Variants in FAM53B observed in about 807,000 individuals in gnomAD.
FAM53B encodes protein FAM53B.
Under a neutral mutation model 32.7 loss-of-function variants are expected in FAM53B, and 12 were observed. The observed-to-expected ratio is 0.37, with a 90% CI of 0.24 to 0.59. The LOEUF (loss-of-function observed/expected upper bound fraction) is 0.59, where lower values mean the gene tolerates loss of function less well. FAM53B is among the 20% of genes least tolerant of loss of function. The pLI, the probability that FAM53B is intolerant of heterozygous loss-of-function variation, is 0.72. For missense variants in FAM53B, 477 were observed against 577.7 expected, an observed-to-expected ratio of 0.83 and a Z score of 1.79; for synonymous variants, 234 against 228.7, an observed-to-expected ratio of 1.02 and a Z score of -0.21.
chr10:124,708,975 A>T (rs1378472925), intron 1 of FAM53B, among the ~76,000 whole-genome samples: 2 of 151,774 alleles, frequency 1.3e-5, no homozygotes, highest in African/African-American at 4.9e-5. Context: ...TACAACAGGG[A>T]AAACAGTGCT....
intron 2 of FAM53B, among the ~76,000 whole-genome samples, chr10:124,702,672 C>A (rs1949922932): frequency 6.6e-6 from 1 of 152,176 alleles, no homozygotes; most frequent in Non-Finnish European, 1.5e-5. Flanking sequence ...AATGGGTGCA[C>A]CCCTGCCCCT....
At chr10:124,702,486 G>A (rs1432143838) in intron 2 of FAM53B, among the ~76,000 whole-genome samples, 5 of 152,132 alleles carry the variant, frequency 3.3e-5, no homozygotes, top group African/African-American at 7.2e-5. Context: ...TATTTACATC[G>A]TGTGTCTCTC....
chr10:124,668,095 C>T (rs532099071), intron 4 of FAM53B, among the ~76,000 whole-genome samples: 2 of 152,320 alleles, frequency 1.3e-5, no homozygotes, highest in Admixed American at 6.5e-5. Context: ...GAGCAGATGC[C>T]GGCATGCATA....
chr10:124,620,961 T>G lies in FAM53B; in HGVS notation c.*2281A>C, dbSNP rs1202486249. On this transcript the variant is annotated 3_prime_UTR_variant, in exon 5 of 5. Coordinates refer to ENST00000337318, the MANE Select transcript of FAM53B (RefSeq NM_014661.4). The stretch of plus-strand genomic sequence containing the variant: ...GGGAGGTGGCTGTGACTCAGCCAGC[T>G]CCACAGCTTGTCCCTTCCTGCCACC... 1 of 152,094 alleles carries G rather than the reference T, an allele frequency of 6.6e-6. No individual in the cohort carries two copies. The highest frequency in any genetic ancestry group is 1.9e-4 in the East Asian group (1 of 5,150). The allele number at this position is 152,094 out of a possible 1,614,324, so 9.4% of individuals were successfully genotyped here.
chr10:124,673,150 C>T (rs1480791620), intron 4 of FAM53B, among the ~76,000 whole-genome samples: 1 of 152,086 alleles, frequency 6.6e-6, no homozygotes. Context: ...CTGCCCCCAC[C>T]CTTGTCTAGC....
chr10:124,743,665 C>T (rs1950213520), intron 1 of FAM53B, among the ~76,000 whole-genome samples: 1 of 151,980 alleles, frequency 6.6e-6, no homozygotes, highest in Non-Finnish European at 1.5e-5. Context: ...GGAGAGGACA[C>T]CCCCGGGCGC....
At chr10:124,644,966 C>T (rs558124759) in intron 4 of FAM53B, among the ~76,000 whole-genome samples, 4 of 152,346 alleles carry the variant, frequency 2.6e-5, no homozygotes, top group East Asian at 3.9e-4. Flanking sequence ...TGCTCTCCCC[C>T]TGAATGCCAG....
chr10:124,687,282 C>T (rs1055266408), intron 3 of FAM53B, among the ~76,000 whole-genome samples: 1 of 151,994 alleles, frequency 6.6e-6, no homozygotes, highest in Admixed American at 6.6e-5. Context: ...ATACAGGGTG[C>T]CCCCGCCCCC....
At position 124,620,998 on chromosome 10, in the gene FAM53B, G is replaced by A. The variant is rs1949307142; in HGVS notation, c.*2244C>T. 6.6e-6 allele frequency: 1 copy of A among 152,204 alleles called. No homozygotes were observed. The highest frequency in any genetic ancestry group is 1.5e-5 in the Non-Finnish European group (1 of 68,044). The allele number at this position is 152,204 out of a possible 1,614,324, so 9.4% of individuals were successfully genotyped here. A position where few individuals can be genotyped will look rare whatever the true frequency, so the allele number is the denominator to read the frequency against. On this transcript the variant is annotated 3_prime_UTR_variant, in exon 5 of 5. Coordinates refer to ENST00000337318, the MANE Select transcript of FAM53B (RefSeq NM_014661.4). ...CCCTTCCTGCCACCAGGCCTGAATG[G>A]GGAGGTGGCAGGCAAGGTTTGAGGG... is the stretch of plus-strand genomic sequence containing the variant.
At chr10:124,694,645 A>G (rs1949857200) in intron 3 of FAM53B, among the ~76,000 whole-genome samples, 1 of 152,232 alleles carries the variant, frequency 6.6e-6, no homozygotes. Flanking sequence ...TGACGCAGGA[A>G]GGAAGCGCAA....
chr10:124,722,478 G>A (rs1413151902), intron 1 of FAM53B, among the ~76,000 whole-genome samples: 1 of 152,104 alleles, frequency 6.6e-6, no homozygotes, highest in East Asian at 1.9e-4. Context: ...AAATAATTGT[G>A]CCAATAATAC....
chr10:124,644,071 C>T (rs755430157), intron 4 of FAM53B, among the ~76,000 whole-genome samples: 1 of 152,134 alleles, frequency 6.6e-6, no homozygotes, highest in Non-Finnish European at 1.5e-5. Flanking sequence ...ATTCACCACC[C>T]GGTGCCTGCT....
chr10:124,715,801 T>C (rs930436244), intron 1 of FAM53B, among the ~76,000 whole-genome samples: 3 of 152,234 alleles, frequency 2.0e-5, no homozygotes, highest in Non-Finnish European at 4.4e-5. Context: ...ACGTTACCCT[T>C]GTGCTGCCCG....
chr10:124,657,066 ATATATGTATATATATG>A (rs1020966551), intron 4 of FAM53B, among the ~76,000 whole-genome samples: 22 of 142,828 alleles, frequency 1.5e-4, no homozygotes, highest in African/African-American at 4.8e-4. Flanking sequence ...ATATGTATAT[ATATATGTATATATATG>A]TGTGTGTATA....
chr10:124,712,317 C>T (rs1319168628), intron 1 of FAM53B, among the ~76,000 whole-genome samples: 1 of 152,184 alleles, frequency 6.6e-6, no homozygotes, highest in Non-Finnish European at 1.5e-5. Context: ...GATTACACCA[C>T]TGTACTCCAG....
chr10:124,625,805 G>A (rs898605666), intron 4 of FAM53B, among the ~76,000 whole-genome samples: 19 of 152,226 alleles, frequency 1.2e-4, no homozygotes, highest in African/African-American at 2.4e-4. Flanking sequence ...GGCCTCAGCC[G>A]TGTGTCCCGG....
At chr10:124,662,200 C>A (rs1273822014) in intron 4 of FAM53B, among the ~76,000 whole-genome samples, 2 of 152,228 alleles carry the variant, frequency 1.3e-5, no homozygotes, top group Admixed American at 1.3e-4. Context: ...CTACTCTGAA[C>A]CTCAGCCTCT....
intron 3 of FAM53B, among the ~76,000 whole-genome samples, chr10:124,694,737 G>A (rs1949857842): frequency 6.6e-6 from 1 of 152,200 alleles, no homozygotes; most frequent in Admixed American, 6.5e-5. Flanking sequence ...GCTGAAAGCT[G>A]TAAACCACCG....
chr10:124,642,605 T>A (rs1040642663), intron 4 of FAM53B, among the ~76,000 whole-genome samples: 1 of 152,134 alleles, frequency 6.6e-6, no homozygotes, highest in African/African-American at 2.4e-5. Context: ...TGTCCCTGAG[T>A]GAACACGGAA....
Sources: allele counts gnomAD v4.1 joint callset (sites outside exome capture counted in the v4.1 genomes callset), GRCh38; gene constraint gnomAD v4.1.1; transcripts MANE v1.5; gene names NCBI Gene and HGNC (gene_info 2026-07-23, HGNC 2026-07-21).